Variants in ANAPC4 observed in about 807,000 individuals in gnomAD.
The protein encoded by ANAPC4 is anaphase-promoting complex subunit 4.
In ANAPC4, 63 loss-of-function variants were observed where a neutral mutation model predicts 119.8. That is an observed-to-expected ratio of 0.53 (90% CI 0.43 to 0.65). The LOEUF (loss-of-function observed/expected upper bound fraction) is 0.65, where lower values mean the gene tolerates loss of function less well. Among genes scored for constraint, ANAPC4 ranks in the 30% least tolerant of loss-of-function variants. The pLI is 0.00. For synonymous variants in ANAPC4, 283 were observed against 318.6 expected (o/e 0.89, Z 1.19); for missense variants, 716 against 945.1 (o/e 0.76, Z 3.18).
At position 25,377,288 on chromosome 4, in the gene ANAPC4, A is replaced by C; in HGVS notation, c.-67A>C. The C allele has an allele frequency of 1.7e-6, 2 of 1,196,392 alleles. No individual in the cohort carries two copies. Among genetic ancestry groups the C allele is most frequent in the South Asian group, 3.3e-5 (2 of 61,280 alleles). 74.1% of individuals were successfully genotyped at this position (1,196,392 alleles called of 1,614,324 possible). On this transcript the variant is annotated 5_prime_UTR_variant, in exon 1 of 29. Transcript: ENST00000315368. ...CTGGAGGCTGTGGCGCGCGGCCGGC[A>C]GAGGGAGGGGAGAGGCCACTGGGGC...
At chr4:25,391,357 A>G (rs1401704377) in intron 9 of ANAPC4, among the ~76,000 whole-genome samples, 1 of 152,238 alleles carries the variant, frequency 6.6e-6, no homozygotes, top group East Asian at 1.9e-4. Context: ...TATGTGCCAT[A>G]TGCTGAATGC....
At chr4:25,386,490 G>A (rs190299737) in intron 4 of ANAPC4, among the ~76,000 whole-genome samples, 16 of 152,258 alleles carry the variant, frequency 1.1e-4, no homozygotes, top group South Asian at 6.2e-4. Context: ...GATTATAGAC[G>A]TGAGCCACCA....
chr4:25,410,495 A>G (rs1282251749), intron 21 of ANAPC4, among the ~76,000 whole-genome samples: 1 of 152,170 alleles, frequency 6.6e-6, no homozygotes, highest in Non-Finnish European at 1.5e-5. Context: ...ACAAGATTCT[A>G]TGGGTAGGTA....
intron 9 of ANAPC4, 83 bp from the exon 10 acceptor site, chr4:25,392,255 C>A: frequency 1.1e-6 from 1 of 936,380 alleles, no homozygotes; most frequent in Non-Finnish European, 1.7e-6. Context: ...CTTTCTGATA[C>A]GTAGTTTGAC....
intron 9 of ANAPC4, 29 bp from the exon 10 acceptor site, chr4:25,392,309 T>C (rs769413726): frequency 6.7e-7 from 1 of 1,490,100 alleles, no homozygotes; most frequent in South Asian, 1.1e-5. Context: ...CATCTGATGA[T>C]GACTCACTTT....
At chr4:25,404,161 A>T (rs1723127718) in intron 17 of ANAPC4, among the ~76,000 whole-genome samples, 1 of 152,174 alleles carries the variant, frequency 6.6e-6, no homozygotes. Flanking sequence ...GTAAAAACAG[A>T]CTATATTTTT....
rs544274882 is a variant in ANAPC4, at chr4:25,413,961, T to G, written c.1623+219T>G. 289 of 492,870 alleles carry G rather than the reference T, an allele frequency of 5.9e-4. 1 individual carries two copies. The highest frequency in any genetic ancestry group is 9.2e-4 in the Non-Finnish European group (261 of 282,546). 30.5% of individuals were successfully genotyped at this position (492,870 alleles called of 1,614,324 possible). ...TGTGTGTGTGTGTGTGTATAAAGAT[T>G]ACTGAAGGTGTTGGCATCTTGAGTA... On this transcript the variant is annotated intron_variant, in intron 22 of 28. Transcript: ENST00000315368.
intron 16 of ANAPC4, among the ~76,000 whole-genome samples, chr4:25,398,798 T>A (rs1722793239): frequency 6.6e-6 from 1 of 152,082 alleles, no homozygotes; most frequent in African/African-American, 2.4e-5. Context: ...TTAACAAGAT[T>A]TTCTCAATGC....
chr4:25,416,391 A>G lies in ANAPC4; in HGVS notation c.1902-34A>G, dbSNP rs773542543. 2.2e-6 allele frequency: 3 copies of G among 1,379,236 alleles called. No individual in the cohort carries two copies. The African/African-American group carries it at 4.3e-5, about 20-fold the overall frequency. 85.4% of individuals were successfully genotyped at this position (1,379,236 alleles called of 1,614,324 possible). A position where few individuals can be genotyped will look rare whatever the true frequency, so the allele number is the denominator to read the frequency against. Reference sequence around the variant, plus strand: ...CAATATTTTCTCAGTAGTCACGATCATCTTTGATATAACAAAACTTATTTT... The same window carrying G: ...CAATATTTTCTCAGTAGTCACGATCGTCTTTGATATAACAAAACTTATTTT... On this transcript the variant is annotated intron_variant, in intron 26 of 28. Coordinates refer to ENST00000315368, the MANE Select transcript of ANAPC4 (RefSeq NM_013367.3).
intron 21 of ANAPC4, among the ~76,000 whole-genome samples, chr4:25,412,765 A>G (rs542921352): frequency 6.6e-6 from 1 of 151,864 alleles, no homozygotes; most frequent in African/African-American, 2.4e-5. Context: ...AAAAGAAAAA[A>G]AAAAATGTTC....
Position 25,417,654 on chromosome 4 carries a change from T to C in ANAPC4, c.2114T>C (p.Met705Thr). Residue 705 changes from methionine to threonine, a missense_variant, in exon 28 of 29, where the codon ATG becomes ACG. Met to Thr is a moderately conservative substitution (Grantham distance 81). Coordinates refer to ENST00000315368, the MANE Select transcript of ANAPC4 (RefSeq NM_013367.3). The stretch of plus-strand genomic sequence containing the variant: ...TGTAGTGCTATTCCCACCCGTACCA[T>C]GCATTTTGAGAAGCACTGGAGATTA... ...EQCSAIPTRT[M>T]HFEKHWRLLE... The C allele has an allele frequency of 6.2e-7, 1 of 1,613,572 alleles. No individual in the cohort carries two copies. The highest frequency in any genetic ancestry group is 8.5e-7 in the Non-Finnish European group (1 of 1,179,766).
chr4:25,417,515 G>C (rs2109150080), intron 27 of ANAPC4, 101 bp from the exon 28 acceptor site: 2 of 1,183,796 alleles, frequency 1.7e-6, no homozygotes, highest in East Asian at 5.2e-5. Context: ...AGAAGTATGA[G>C]TAGAAGTCAA....
In ANAPC4 at chr4:25,377,538, G is replaced by C. The variant is rs755691767; in HGVS notation, c.111G>C (p.Leu37Phe). The C allele has an allele frequency of 6.2e-7, 1 of 1,612,676 alleles. No homozygotes were observed. The highest frequency in any genetic ancestry group is 8.5e-7 in the Non-Finnish European group (1 of 1,179,656). Residue 37 changes from leucine (L) to phenylalanine (F), a missense_variant, in exon 2 of 29, where the codon TTG becomes TTC. By Grantham distance (22) the Leu-to-Phe change is conservative. Coordinates refer to ENST00000315368, the MANE Select transcript of ANAPC4 (RefSeq NM_013367.3). ...CGCCCAAGCGGGATCTCATTGCTTT[G>C]GCCAACACAGCTGGCGAGGTGAGTG... ...VWSPKRDLIA[L>F]ANTAGEVLLH...
chr4:25,417,783 G>A (rs1359628433), intron 28 of ANAPC4, 44 bp downstream of exon 28: 5 of 1,572,234 alleles, frequency 3.2e-6, no homozygotes, highest in Non-Finnish European at 3.4e-6. Flanking sequence ...ATTACAAGAA[G>A]TAACGTTGCT....
In ANAPC4 at chr4:25,403,021, A is replaced by T. The variant is rs762511291; in HGVS notation, c.1265A>T (p.Tyr422Phe). ...TTCAAAGCATTTTTTCGGTGGCTTT[A>T]TGTGGGTAAGTTAATTGAGTGAAGC... Reference protein sequence around the residue: ...KNFKAFFRWLYVAMLRMTEDH... With the variant: ...KNFKAFFRWLFVAMLRMTEDH... Residue 422 changes from tyrosine to phenylalanine, a missense_variant, in exon 17 of 29, where the codon TAT (tyrosine) becomes TTT (phenylalanine). Tyr to Phe is a conservative substitution (Grantham distance 22, BLOSUM62 3). Transcript: ENST00000315368. 24 of 1,603,584 alleles carry T rather than the reference A, an allele frequency of 1.5e-5. No individual in the cohort carries two copies. Among genetic ancestry groups the T allele is most frequent in the Non-Finnish European group, 1.6e-5 (19 of 1,172,832 alleles).
intron 16 of ANAPC4, among the ~76,000 whole-genome samples, chr4:25,398,100 A>C (rs534840889): frequency 5.9e-5 from 9 of 152,110 alleles, no homozygotes; most frequent in African/African-American, 2.2e-4. Context: ...TTGTTCTAGA[A>C]ATCTGTTTGG....
At position 25,383,413 on chromosome 4, in the gene ANAPC4, T is replaced by TAC. The variant is rs758202065; in HGVS notation, c.368+21_368+22insCA. 6.3e-7 allele frequency: 1 copy of TAC among 1,596,558 alleles called. No homozygotes were observed. Among genetic ancestry groups the TAC allele is most frequent in the Non-Finnish European group, 8.5e-7 (1 of 1,173,734 alleles). On this transcript the variant is annotated intron_variant, in intron 4 of 28. Transcript: ENST00000315368. ...AAGCAGGTAATTAGAAAAACTTATGTAGTCATAGGGTATTCATGAGATTTT... is the reference window on the plus strand; with the variant it reads ...AAGCAGGTAATTAGAAAAACTTATGTACAGTCATAGGGTATTCATGAGATTTT...
chr4:25,403,090 T>A (rs1723067344), intron 17 of ANAPC4, 64 bp downstream of exon 17: 2 of 1,221,254 alleles, frequency 1.6e-6, no homozygotes, highest in Admixed American at 2.1e-5. Flanking sequence ...AGTATTATCT[T>A]AGACTGTTTC....
At chr4:25,387,889 C>T (rs1317611295) in intron 4 of ANAPC4, among the ~76,000 whole-genome samples, 1 of 152,044 alleles carries the variant, frequency 6.6e-6, no homozygotes, top group African/African-American at 2.4e-5. Flanking sequence ...ATAATCCTAG[C>T]ACTTTGGGAG....
Sources: gnomAD v4.1 joint callset for allele counts (sites outside exome capture counted in the v4.1 genomes callset) on GRCh38, gnomAD v4.1.1 for gene constraint, MANE v1.5 for transcripts, NCBI Gene and HGNC (gene_info 2026-07-23, HGNC 2026-07-21) for gene names.